PCDHGB1: variants seen among roughly 807,000 people sequenced by gnomAD.
The protein encoded by PCDHGB1 is protocadherin gamma-B1.
PCDHGB1 carries 34 observed loss-of-function variants against 56.6 expected under a neutral mutation model. That is an observed-to-expected ratio of 0.60 (90% CI 0.46 to 0.80). PCDHGB1 has a LOEUF of 0.80. PCDHGB1 is among the 30% of genes least tolerant of loss of function. The pLI, the probability that PCDHGB1 is intolerant of heterozygous loss-of-function variation, is 0.00. For missense variants in PCDHGB1, 1,278 were observed against 1,204.6 expected, an observed-to-expected ratio of 1.06 and a Z score of -0.90; for synonymous variants, 561 against 505.9, an observed-to-expected ratio of 1.11 and a Z score of -1.46.
At position 141,491,651 on chromosome 5, in the gene PCDHGB1, A is replaced by G. The variant is rs1379494110; in HGVS notation, c.2410-3156A>G. 1.9e-6 allele frequency: 3 copies of G among 1,613,796 alleles called. 1 individual carries two copies. ...CAGCAGCCCACAGCTCTGGCGCTGGAGCCTGACGCCATCCGGTCCCGCTCT... is the reference window on the plus strand; with the variant it reads ...CAGCAGCCCACAGCTCTGGCGCTGGGGCCTGACGCCATCCGGTCCCGCTCT... On this transcript the variant is annotated intron_variant, in intron 1 of 3. Coordinates refer to ENST00000523390, the MANE Select transcript of PCDHGB1 (RefSeq NM_018922.3). The surrounding 1 kb of genome is among the most constrained non-coding windows in gnomAD (Gnocchi z 6.9).
intron 1 of PCDHGB1, among the ~76,000 whole-genome samples, chr5:141,450,375 A>G (rs1338336573): frequency 1.3e-5 from 2 of 152,166 alleles, no homozygotes; most frequent in Non-Finnish European, 2.9e-5. Context: ...GTTTGTTTAT[A>G]TGAAACTGAC....
chr5:141,432,061 G>T lies in PCDHGB1; in HGVS notation c.2410-62746G>T. On this transcript the variant is annotated intron_variant, in intron 1 of 3. Coordinates refer to ENST00000523390, the MANE Select transcript of PCDHGB1 (RefSeq NM_018922.3). The surrounding 1 kb of genome is among the most constrained non-coding windows in gnomAD (Gnocchi z 6.0). ...ACCGGGGAACCCCGCCCCTATCCAC[G>T]GAAACTCATATCTCGCTGAACGTGG... 1.9e-6 allele frequency: 3 copies of T among 1,614,130 alleles called. No homozygotes were observed. The highest frequency in any genetic ancestry group is 2.5e-6 in the Non-Finnish European group (3 of 1,180,034).
chr5:141,496,377 G>A (rs1413938730), intron 2 of PCDHGB1, among the ~76,000 whole-genome samples: 1 of 152,114 alleles, frequency 6.6e-6, no homozygotes, highest in Non-Finnish European at 1.5e-5. Flanking sequence ...CAGGAGCTTG[G>A]GCCACCTTAC....
At chr5:141,482,356 G>T (rs1330274684) in intron 1 of PCDHGB1, among the ~76,000 whole-genome samples, 1 of 152,236 alleles carries the variant, frequency 6.6e-6, no homozygotes, top group East Asian at 1.9e-4. Flanking sequence ...TGTTGTGAGA[G>T]TGAAAAGTAA....
At chr5:141,404,784 C>T (rs780341962) in intron 1 of PCDHGB1, 2 of 1,613,832 alleles carry the variant, frequency 1.2e-6, no homozygotes, top group Non-Finnish European at 1.7e-6. Flanking sequence ...CTATTCAAGG[C>T]CAGTGAGCCA....
In PCDHGB1 at chr5:141,361,700, A is replaced by C; in HGVS notation, c.2409+9031A>C. The C allele has an allele frequency of 3.1e-6, 5 of 1,613,456 alleles. No individual in the cohort carries two copies. Among genetic ancestry groups the C allele is most frequent in the Non-Finnish European group, 4.2e-6 (5 of 1,179,872 alleles). On this transcript the variant is annotated intron_variant, in intron 1 of 3. Transcript: ENST00000523390. ...GTGTTCGCGCAGCGCGCCTTCGATCATGAGCAGCTGCGCGCCTTCGAGCTC... is the reference window on the plus strand; with the variant it reads ...GTGTTCGCGCAGCGCGCCTTCGATCCTGAGCAGCTGCGCGCCTTCGAGCTC...
chr5:141,357,632 C>A, intron 1 of PCDHGB1: 1 of 1,612,944 alleles, frequency 6.2e-7, no homozygotes, highest in East Asian at 2.2e-5. Context: ...GTGAGTCAAT[C>A]TTATAATAGA....
At chr5:141,401,368 A>G (rs2094146364) in intron 1 of PCDHGB1, among the ~76,000 whole-genome samples, 3 of 152,186 alleles carry the variant, frequency 2.0e-5, no homozygotes, top group Admixed American at 2.0e-4. Flanking sequence ...GAAGGAGAGG[A>G]AGAAGAAGAA....
chr5:141,413,555 T>C (rs1270604020), intron 1 of PCDHGB1: 1 of 1,613,852 alleles, frequency 6.2e-7, no homozygotes. Flanking sequence ...GAAATAGAAG[T>C]AACTGATATC....
intron 1 of PCDHGB1, chr5:141,392,409 A>G (rs1308940731): frequency 6.4e-6 from 1 of 156,720 alleles, no homozygotes; most frequent in African/African-American, 2.4e-5. Context: ...ACTAAATAAA[A>G]CCTTCATCTC....
intron 1 of PCDHGB1, chr5:141,400,715 T>C: frequency 1.5e-6 from 1 of 682,576 alleles, no homozygotes; most frequent in Non-Finnish European, 2.4e-6. Context: ...AGTAGCCTTA[T>C]AGATTTACAA....
chr5:141,407,807 T>C (rs916388568), intron 1 of PCDHGB1, among the ~76,000 whole-genome samples: 1 of 152,202 alleles, frequency 6.6e-6, no homozygotes, highest in African/African-American at 2.4e-5. Flanking sequence ...CATAGAAATA[T>C]CTACTATAAT....
At chr5:141,457,514 CAATT>C (rs1258794594) in intron 1 of PCDHGB1, among the ~76,000 whole-genome samples, 2 of 152,260 alleles carry the variant, frequency 1.3e-5, no homozygotes, top group African/African-American at 4.8e-5. Context: ...AGCTTAAAAA[CAATT>C]AATGAGACTA....
chr5:141,435,593 G>T (rs183768133), intron 1 of PCDHGB1, among the ~76,000 whole-genome samples: 1 of 152,112 alleles, frequency 6.6e-6, no homozygotes, highest in East Asian at 1.9e-4. Flanking sequence ...CAGTAATATC[G>T]CCTGCTTTTT....
chr5:141,358,747 C>T (rs767586792), intron 1 of PCDHGB1, among the ~76,000 whole-genome samples: 41 of 152,120 alleles, frequency 2.7e-4, no homozygotes, highest in Non-Finnish European at 3.4e-4. Flanking sequence ...AGTCTTTTCT[C>T]TTGTCATCAT....
chr5:141,428,176 A>G (rs751446929), intron 1 of PCDHGB1: 21 of 1,507,402 alleles, frequency 1.4e-5, no homozygotes, highest in Non-Finnish European at 1.9e-5. Context: ...TGCGTGACGG[A>G]GGACAGCCGC....
Position 141,352,127 on chromosome 5 carries a change from C to A in PCDHGB1, c.1867C>A (p.Arg623Ser), listed in dbSNP as rs953232371. ...FSLGLRTGEV[R>S]TARALGDRDA... ...CCTGGGGTTGCGCACGGGTGAGGTG[C>A]GCACAGCGCGTGCCTTGGGCGACAG... The change falls in exon 1 of 4, where the codon CGC (arginine) becomes AGC (serine). Residue 623 changes from arginine (R) to serine (S), a missense_variant. Coordinates refer to ENST00000523390, the MANE Select transcript of PCDHGB1 (RefSeq NM_018922.3). 1.2e-6 allele frequency: 2 copies of A among 1,610,122 alleles called. No homozygotes were observed. The highest frequency in any genetic ancestry group is 1.7e-6 in the Non-Finnish European group (2 of 1,178,906).
At chr5:141,442,294 C>A (rs1194203452) in intron 1 of PCDHGB1, 1 of 152,584 alleles carries the variant, frequency 6.6e-6, no homozygotes, top group Admixed American at 6.5e-5. Context: ...ATGATCCTGT[C>A]TGAGTCTTTC....
intron 1 of PCDHGB1, chr5:141,409,169 G>A (rs371896881): frequency 3.5e-5 from 56 of 1,613,906 alleles, no homozygotes; most frequent in Non-Finnish European, 4.2e-5. Flanking sequence ...GGAAGCGAAG[G>A]ACGGAGGTGG....
Sources: gnomAD v4.1 joint callset for allele counts (sites outside exome capture counted in the v4.1 genomes callset) on GRCh38, gnomAD v4.1.1 for gene constraint, Gnocchi (gnomAD v3.1) non-coding constraint, MANE v1.5 for transcripts, NCBI Gene and HGNC (gene_info 2026-07-23, HGNC 2026-07-21) for gene names.